Variants in YPEL2 observed in about 807,000 individuals in gnomAD.
YPEL2 encodes the protein yippee like 2.
In YPEL2, 2 loss-of-function variants were observed where a neutral mutation model predicts 19.1. The ratio of observed to expected loss-of-function variants is 0.10; its 90% CI spans 0.04 to 0.33. The LOEUF is 0.33. Ranked by LOEUF, YPEL2 falls within the 10% of genes least tolerant of loss-of-function variation. The pLI, the probability that YPEL2 is intolerant of heterozygous loss-of-function variation, is 1.00. For synonymous variants in YPEL2, 52 were observed against 50.0 expected (o/e 1.04, Z -0.17); for missense variants, 66 against 140.7 (o/e 0.47, Z 2.68).
intron 2 of YPEL2, among the ~76,000 whole-genome samples, chr17:59,366,990 A>G (rs1249938989): frequency 1.3e-5 from 2 of 152,178 alleles, no homozygotes; most frequent in African/African-American, 2.4e-5. Flanking sequence ...TGCTGGGTAA[A>G]TACACGAGAA....
At chr17:59,388,654 AAGGGCTCATAATG>A in intron 3 of YPEL2, among the ~76,000 whole-genome samples, 1 of 152,330 alleles carries the variant, frequency 6.6e-6, no homozygotes, top group South Asian at 2.1e-4. Flanking sequence ...CCTCAACCTG[AAGGGCTCATAATG>A]AGATCTGAGA....
chr17:59,385,173 T>C (rs2047973797), intron 2 of YPEL2, among the ~76,000 whole-genome samples: 1 of 152,228 alleles, frequency 6.6e-6, no homozygotes, highest in African/African-American at 2.4e-5. Context: ...AGGGAATAAA[T>C]TGTTGATATG....
At chr17:59,372,767 C>T (rs945049863) in intron 2 of YPEL2, among the ~76,000 whole-genome samples, 2 of 152,250 alleles carry the variant, frequency 1.3e-5, no homozygotes, top group Non-Finnish European at 2.9e-5. Flanking sequence ...TGTCCCCATC[C>T]ACTGTTGCCT....
rs189724417 is a variant in YPEL2, at chr17:59,380,466, C to T, written c.118-7861C>T. 1.8e-4 allele frequency among the ~76,000 whole-genome samples: 27 copies of T among 152,006 alleles called. 1 individual carries two copies. The highest frequency in any genetic ancestry group is 5.2e-4 in the Admixed American group (8 of 15,270). On this transcript the variant is annotated intron_variant, in intron 2 of 4. Coordinates refer to ENST00000312655, the MANE Select transcript of YPEL2 (RefSeq NM_001005404.4). ...TGTATTTTTAGTAGAGACGGGGTTT[C>T]GCCATGTTGGCCAGGCTGGTCTCGA...
At chr17:59,337,142 A>G (rs2047702697) in intron 1 of YPEL2, among the ~76,000 whole-genome samples, 1 of 151,896 alleles carries the variant, frequency 6.6e-6, no homozygotes, top group East Asian at 1.9e-4. Flanking sequence ...AAGACTAGCT[A>G]CAGATTCAAT....
chr17:59,389,580 C>A, intron 4 of YPEL2, 112 bp downstream of exon 4: 1 of 771,214 alleles, frequency 1.3e-6, no homozygotes, highest in Non-Finnish European at 2.2e-6. Context: ...TTGTCTTAGA[C>A]CAGAATAGTC....
Position 59,375,957 on chromosome 17 carries a change from A to G in YPEL2, c.118-12370A>G, listed in dbSNP as rs989945328. The stretch of plus-strand genomic sequence containing the variant: ...GGGTTTAAAGTTCTGACCTTGACTT[A>G]CAAGCTGTGTGAAACTGGGGAAGTT... On this transcript the variant is annotated intron_variant, in intron 2 of 4. Transcript: ENST00000312655. 2.6e-5 allele frequency among the ~76,000 whole-genome samples: 4 copies of G among 152,342 alleles called. No individual in the cohort carries two copies. In the East Asian group the frequency reaches 7.7e-4, roughly 29 times the overall value.
At chr17:59,368,449 G>A (rs2047881335) in intron 2 of YPEL2, among the ~76,000 whole-genome samples, 3 of 152,206 alleles carry the variant, frequency 2.0e-5, no homozygotes, top group South Asian at 4.1e-4. Context: ...GTGATAAAAT[G>A]TAGTGAAACA....
chr17:59,348,012 C>G (rs889162827), intron 1 of YPEL2, among the ~76,000 whole-genome samples: 3 of 152,020 alleles, frequency 2.0e-5, no homozygotes, highest in African/African-American at 7.3e-5. Context: ...GTGTATTGTG[C>G]GCCAGCTCTG....
intron 2 of YPEL2, among the ~76,000 whole-genome samples, chr17:59,373,594 G>A (rs530915749): frequency 1.3e-5 from 2 of 152,280 alleles, no homozygotes; most frequent in East Asian, 3.9e-4. Context: ...CAAGGCTCCG[G>A]ACATGGCTGC....
At chr17:59,395,411 A>G (rs1373879567) in intron 4 of YPEL2, among the ~76,000 whole-genome samples, 2 of 152,190 alleles carry the variant, frequency 1.3e-5, no homozygotes, top group Non-Finnish European at 2.9e-5. Context: ...GGAAGGGCTG[A>G]TGTCCACTGC....
chr17:59,391,666 G>A (rs2048008065), intron 4 of YPEL2, among the ~76,000 whole-genome samples: 1 of 152,134 alleles, frequency 6.6e-6, no homozygotes, highest in Admixed American at 6.5e-5. Context: ...GGGAGGCCGA[G>A]GTGGGTGGAT....
chr17:59,393,656 TGCGGCCTTCC>T (rs1327393560), intron 4 of YPEL2, among the ~76,000 whole-genome samples: 2 of 147,240 alleles, frequency 1.4e-5, no homozygotes, highest in African/African-American at 5.1e-5. Context: ...CAGAGGACCC[TGCGGCCTTCC>T]GCAGTGTTTG....
chr17:59,334,393 G>GGC lies in YPEL2; in HGVS notation c.-196+2570_-196+2571insCG, dbSNP rs1555568455. 2.7e-3 allele frequency among the ~76,000 whole-genome samples: 397 copies of GGC among 149,002 alleles called. 15 individuals are homozygous for GGC. In the East Asian group the frequency reaches 0.075, roughly 28 times the overall value. Reference sequence around the variant, plus strand: ...CAGGCAGGTGACTCTTTTTATTTGGGGGGGGGTGAGGAGTCAGGAGTTTGT... The same window carrying GGC: ...CAGGCAGGTGACTCTTTTTATTTGGGGCGGGGGGTGAGGAGTCAGGAGTTTGT... On this transcript the variant is annotated intron_variant, in intron 1 of 4. Coordinates refer to ENST00000312655, the MANE Select transcript of YPEL2 (RefSeq NM_001005404.4).
chr17:59,367,846 A>G (rs1433149895), intron 2 of YPEL2, among the ~76,000 whole-genome samples: 1 of 152,188 alleles, frequency 6.6e-6, no homozygotes, highest in Non-Finnish European at 1.5e-5. Flanking sequence ...ATAGTTTCCT[A>G]CAGTGTCATC....
chr17:59,374,049 G>C (rs964780435), intron 2 of YPEL2, among the ~76,000 whole-genome samples: 3 of 152,174 alleles, frequency 2.0e-5, no homozygotes, highest in African/African-American at 7.2e-5. Context: ...CTCACAGAAT[G>C]TTCACCCTTG....
At chr17:59,355,955 A>G (rs1395834067) in intron 2 of YPEL2, 1 of 152,166 alleles carries the variant, frequency 6.6e-6, no homozygotes, top group Non-Finnish European at 1.5e-5. Context: ...TGTGGCTGGC[A>G]TTGCACAAAG....
intron 1 of YPEL2, among the ~76,000 whole-genome samples, chr17:59,335,026 A>G (rs1014528469): frequency 6.6e-6 from 1 of 152,220 alleles, no homozygotes; most frequent in Non-Finnish European, 1.5e-5. Flanking sequence ...GCAAACCACT[A>G]GGTGCTCTGA....
chr17:59,385,933 T>C (rs927099209), intron 2 of YPEL2, among the ~76,000 whole-genome samples: 12 of 152,190 alleles, frequency 7.9e-5, no homozygotes, highest in African/African-American at 2.9e-4. Flanking sequence ...CAGAGAGAGA[T>C]TGAAGACATG....
Sources: gnomAD v4.1 joint callset for allele counts (sites outside exome capture counted in the v4.1 genomes callset) on GRCh38, gnomAD v4.1.1 for gene constraint, MANE v1.5 for transcripts, NCBI Gene and HGNC (gene_info 2026-07-23, HGNC 2026-07-21) for gene names.